The following TCF3 variants were observed in gnomAD, a reference collection of about 807,000 sequenced individuals.
The protein encoded by TCF3 is transcription factor E2-alpha.
TCF3 carries 54 observed loss-of-function variants against 72.3 expected under a neutral mutation model. The ratio of observed to expected loss-of-function variants is 0.75; its 90% CI spans 0.60 to 0.94. The LOEUF (loss-of-function observed/expected upper bound fraction) is 0.94, where lower values mean the gene tolerates loss of function less well. Ranked by LOEUF, TCF3 falls within the 40% of genes least tolerant of loss-of-function variation. TCF3 has a pLI of 0.00. For synonymous variants in TCF3, 525 were observed against 412.6 expected, an observed-to-expected ratio of 1.27 and a Z score of -3.30; for missense variants, 1,078 against 934.4, an observed-to-expected ratio of 1.15 and a Z score of -2.00.
chr19:1,620,263 C>T (rs994025397), intron 13 of TCF3, among the ~76,000 whole-genome samples: 5 of 152,146 alleles, frequency 3.3e-5, no homozygotes, highest in African/African-American at 1.2e-4. Flanking sequence ...CCTGGCGCTT[C>T]CCATGGGGGC....
At chr19:1,631,375 TCTC>T (rs1004653105) in intron 5 of TCF3, among the ~76,000 whole-genome samples, 24 of 151,236 alleles carry the variant, frequency 1.6e-4, no homozygotes, top group African/African-American at 5.6e-4. Context: ...TTCAAGCAAT[TCTC>T]CTGCCTCAGC....
chr19:1,632,021 C>A lies in TCF3; in HGVS notation c.298+17G>T, dbSNP rs367817596. The A allele has an allele frequency of 1.2e-4, 194 of 1,611,292 alleles. No individual in the cohort carries two copies. In the African/African-American group the frequency reaches 2.2e-3, roughly 18 times the overall value. On this transcript the variant is annotated intron_variant, in intron 5 of 18. Coordinates refer to ENST00000262965, the MANE Select transcript of TCF3 (RefSeq NM_003200.5). The stretch of plus-strand genomic sequence containing the variant: ...ATCTGTGCACAGCAGAGGGACCGCA[C>A]CAGGCCAGGCACTCACCTCCGAGTC...
At chr19:1,625,791 C>T (rs952234460) in intron 6 of TCF3, 83 bp from the exon 7 acceptor site, 5 of 1,408,586 alleles carry the variant, frequency 3.5e-6, no homozygotes, top group African/African-American at 3.0e-5. Context: ...CTGCAAAGGC[C>T]GAAGCCACTC....
rs565182241 is a variant in TCF3, at chr19:1,624,427, A to G, written c.500-427T>C. On this transcript the variant is annotated intron_variant, in intron 7 of 18. Coordinates refer to ENST00000262965, the MANE Select transcript of TCF3 (RefSeq NM_003200.5). The stretch of plus-strand genomic sequence containing the variant: ...AACAGCAGCAGCAGCAACAACAACA[A>G]AAAGCCCCGGGTCTATTTATACGGC... Among the ~76,000 whole-genome samples, 11 of 152,256 alleles carry G rather than the reference A, an allele frequency of 7.2e-5. No individual in the cohort carries two copies. In the South Asian group the frequency reaches 2.3e-3, roughly 32 times the overall value.
At chr19:1,626,221 C>T (rs1204731839) in intron 6 of TCF3, among the ~76,000 whole-genome samples, 2 of 152,184 alleles carry the variant, frequency 1.3e-5, no homozygotes, top group South Asian at 2.1e-4. Context: ...GAGGCTGAGG[C>T]GGGCGGATCA....
At chr19:1,646,326 C>CGGA in intron 3 of TCF3, 29 bp downstream of exon 3, 1 of 1,548,574 alleles carries the variant, frequency 6.5e-7, no homozygotes, top group Non-Finnish European at 8.7e-7. Context: ...CCTCACTCCA[C>CGGA]GAGCGCTGGC....
chr19:1,623,474 C>G (rs2062504733), intron 8 of TCF3, among the ~76,000 whole-genome samples: 1 of 151,446 alleles, frequency 6.6e-6, no homozygotes. Context: ...ACCTCCGCCT[C>G]CTGGGTTCAA....
In TCF3 at chr19:1,652,524, T is replaced by C. The variant is rs960371519; in HGVS notation, c.-264A>G. On this transcript the variant is annotated 5_prime_UTR_variant, in exon 1 of 19. Transcript: ENST00000262965. ...GCCCCTGGGGCAGCGGCGTGCGCGG[T>C]GCCCGCGGTGCCCGCCGCCGCGTCG... The C allele has an allele frequency of 2.9e-5, 4 of 137,898 alleles. No homozygotes were observed. The highest frequency in any genetic ancestry group is 3.1e-5 in the Non-Finnish European group (2 of 63,572). The allele number at this position is 137,898 out of a possible 1,614,324, so 8.5% of individuals were successfully genotyped here.
intron 6 of TCF3, among the ~76,000 whole-genome samples, chr19:1,626,814 A>G (rs1378280147): frequency 6.6e-6 from 1 of 152,124 alleles, no homozygotes; most frequent in African/African-American, 2.4e-5. Context: ...CACAGTGAGC[A>G]CACAGACGGC....
intron 3 of TCF3, among the ~76,000 whole-genome samples, chr19:1,634,429 G>A (rs1470760309): frequency 2.6e-5 from 4 of 152,226 alleles, no homozygotes; most frequent in Middle Eastern, 3.2e-3. Context: ...AGAGGCCTGC[G>A]AGTGGACGGC....
At chr19:1,617,087 C>T (rs1158638376) in intron 16 of TCF3, among the ~76,000 whole-genome samples, 2 of 152,230 alleles carry the variant, frequency 1.3e-5, no homozygotes, top group South Asian at 2.1e-4. Flanking sequence ...GGTGGCTTTG[C>T]GCTACCCTTT....
At chr19:1,620,512 C>G (rs551662913) in intron 13 of TCF3, among the ~76,000 whole-genome samples, 97 of 152,364 alleles carry the variant, frequency 6.4e-4, no homozygotes, top group Non-Finnish European at 1.2e-3. Context: ...GTCCAGGCCA[C>G]AGCCCTGGCG....
intron 18 of TCF3, among the ~76,000 whole-genome samples, chr19:1,612,769 AGT>A (rs1417445048): frequency 6.6e-6 from 1 of 150,998 alleles, no homozygotes; most frequent in African/African-American, 2.4e-5. Flanking sequence ...TGGACACAGC[AGT>A]GTGGGTACAC....
In TCF3 at chr19:1,620,002, A is replaced by G. The variant is rs75884299; in HGVS notation, c.1094-149T>C. 2,048 of 700,640 alleles carry G rather than the reference A, an allele frequency of 2.9e-3. 34 individuals are homozygous for G. The African/African-American group carries it at 0.031, about 11-fold the overall frequency. The allele number at this position is 700,640 out of a possible 1,614,324, so 43.4% of individuals were successfully genotyped here. A position where few individuals can be genotyped will look rare whatever the true frequency, so the allele number is the denominator to read the frequency against. Reference sequence around the variant, plus strand: ...ATTCCGGGGCACCCCACACTGATGCAAAGCTGCTCGGCCCCGCCAGGCAGG... The same window carrying G: ...ATTCCGGGGCACCCCACACTGATGCGAAGCTGCTCGGCCCCGCCAGGCAGG... On this transcript the variant is annotated intron_variant, in intron 13 of 18. Transcript: ENST00000262965.
intron 16 of TCF3, among the ~76,000 whole-genome samples, chr19:1,618,082 T>C (rs1382797359): frequency 3.3e-5 from 5 of 152,056 alleles, no homozygotes; most frequent in South Asian, 2.1e-4. Context: ...CATGGGTGTC[T>C]GAGACACTCA....
chr19:1,642,276 GCA>G (rs199651821), intron 3 of TCF3, among the ~76,000 whole-genome samples: 733 of 128,662 alleles, frequency 5.7e-3, no homozygotes, highest in Non-Finnish European at 6.7e-3. Context: ...GCACGCACAC[GCA>G]CAGACGCGCA....
chr19:1,642,129 TACACACACACACACAC>T (rs10531649), intron 3 of TCF3, among the ~76,000 whole-genome samples: 20 of 147,358 alleles, frequency 1.4e-4, no homozygotes, highest in African/African-American at 2.5e-4. Flanking sequence ...TGCACAGAAC[TACACACACACACACAC>T]ACACACACAC....
chr19:1,627,260 T>A, intron 6 of TCF3, 99 bp downstream of exon 6: 1 of 683,684 alleles, frequency 1.5e-6, no homozygotes, highest in Non-Finnish European at 2.0e-6. Flanking sequence ...GAAGCAAACA[T>A]AACCTAGCTA....
rs138988451 is a variant in TCF3, at chr19:1,629,910, G to T, written c.298+2128C>A. 6.1e-3 allele frequency among the ~76,000 whole-genome samples: 931 copies of T among 152,284 alleles called. 16 individuals are homozygous for T. The highest frequency in any genetic ancestry group is 0.021 in the African/African-American group (879 of 41,554). ...CCGGGGGGACATGGGGAAGATGACA[G>T]CCACGACCCACCCCACAGGCCACAC... On this transcript the variant is annotated intron_variant, in intron 5 of 18. Coordinates refer to ENST00000262965, the MANE Select transcript of TCF3 (RefSeq NM_003200.5).
Sources: gnomAD v4.1 joint callset for allele counts (sites outside exome capture counted in the v4.1 genomes callset) on GRCh38, gnomAD v4.1.1 for gene constraint, MANE v1.5 for transcripts, NCBI Gene and HGNC (gene_info 2026-07-23, HGNC 2026-07-21) for gene names.